KDM4C: variants seen among roughly 807,000 people sequenced by gnomAD.
KDM4C encodes the protein lysine-specific demethylase 4C.
KDM4C carries 81 observed loss-of-function variants against 129.3 expected under a neutral mutation model. The ratio of observed to expected loss-of-function variants is 0.63; its 90% CI spans 0.52 to 0.75. The LOEUF (loss-of-function observed/expected upper bound fraction) is 0.75, where lower values mean the gene tolerates loss of function less well. Ranked by LOEUF, KDM4C falls within the 30% of genes least tolerant of loss-of-function variation. The probability of loss-of-function intolerance (pLI) is 0.00; values close to 1 mark genes in which losing one functional copy is unlikely to be tolerated. For synonymous variants in KDM4C, 573 were observed against 456.1 expected (o/e 1.26, Z -3.26); for missense variants, 1,457 against 1,304.0 (o/e 1.12, Z -1.81).
At chr9:6,732,636 G>C (rs1355833447) in intron 1 of KDM4C, among the ~76,000 whole-genome samples, 1 of 152,158 alleles carries the variant, frequency 6.6e-6, no homozygotes, top group Non-Finnish European at 1.5e-5. Flanking sequence ...GGTCACACAG[G>C]TATCAACCAG....
At chr9:6,826,920 G>A (rs1482071494) in intron 4 of KDM4C, among the ~76,000 whole-genome samples, 1 of 152,128 alleles carries the variant, frequency 6.6e-6, no homozygotes, top group Non-Finnish European at 1.5e-5. Flanking sequence ...TTGGCAGGAT[G>A]GTTTTCACAG....
chr9:6,968,521 A>G (rs998623007), intron 8 of KDM4C, among the ~76,000 whole-genome samples: 3 of 152,210 alleles, frequency 2.0e-5, no homozygotes, highest in African/African-American at 4.8e-5. Context: ...TGGTTAAACA[A>G]TAATTAAGTT....
intron 1 of KDM4C, among the ~76,000 whole-genome samples, chr9:6,728,738 C>T (rs1194328343): frequency 1.3e-5 from 2 of 151,974 alleles, no homozygotes; most frequent in Admixed American, 6.6e-5. Flanking sequence ...CCCAGCTACT[C>T]AGGAGGCTGA....
At chr9:6,812,539 T>C (rs941493122) in intron 3 of KDM4C, among the ~76,000 whole-genome samples, 4 of 151,902 alleles carry the variant, frequency 2.6e-5, no homozygotes, top group African/African-American at 4.8e-5. Flanking sequence ...TCATAAGGAG[T>C]GTGCAACCTA....
chr9:6,807,042 GC>G (rs1830119780), intron 3 of KDM4C, among the ~76,000 whole-genome samples: 1 of 152,038 alleles, frequency 6.6e-6, no homozygotes, highest in African/African-American at 2.4e-5. Flanking sequence ...GCGATTGCAG[GC>G]ACGCGCCGCC....
intron 5 of KDM4C, among the ~76,000 whole-genome samples, chr9:6,872,162 G>A (rs1319157790): frequency 6.6e-6 from 1 of 152,152 alleles, no homozygotes; most frequent in Non-Finnish European, 1.5e-5. Context: ...GTTAAATTGT[G>A]GAGGTCTTGA....
intron 1 of KDM4C, among the ~76,000 whole-genome samples, chr9:6,767,634 C>T (rs747320862): frequency 6.6e-6 from 1 of 151,912 alleles, no homozygotes; most frequent in Non-Finnish European, 1.5e-5. Context: ...GGGGTTTTGC[C>T]GTTTTTAGTA....
In KDM4C at chr9:7,004,450, C is replaced by T. The variant is rs1213568940; in HGVS notation, c.1787-7248C>T. 2.0e-5 allele frequency among the ~76,000 whole-genome samples: 3 copies of T among 152,170 alleles called. 1 individual carries two copies. The highest frequency in any genetic ancestry group is 1.3e-4 in the Admixed American group (2 of 15,282). ...AATAGAATTGGCAATGTTCCCTATA[C>T]ATGGTTTTGTGCTCCCATTTTTTAT... On this transcript the variant is annotated intron_variant, in intron 12 of 21. Transcript: ENST00000381309.
chr9:7,142,602 G>A (rs1195114716), intron 19 of KDM4C, among the ~76,000 whole-genome samples: 2 of 152,110 alleles, frequency 1.3e-5, no homozygotes, highest in East Asian at 1.9e-4. Context: ...TTTTTTAAAG[G>A]GAAAGAATAG....
chr9:6,836,030 C>T lies in KDM4C; in HGVS notation c.436-13477C>T, dbSNP rs571545354. ...GTTTGTTTTATTTTGAATGATCAGC[C>T]TTCGTGGCCCCCCTCTTTTGTCCCC... is the stretch of plus-strand genomic sequence containing the variant. On this transcript the variant is annotated intron_variant, in intron 4 of 21. Coordinates refer to ENST00000381309, the MANE Select transcript of KDM4C (RefSeq NM_015061.6). 1.4e-4 allele frequency among the ~76,000 whole-genome samples: 21 copies of T among 152,182 alleles called. No individual in the cohort carries two copies. The South Asian group carries it at 3.3e-3, about 24-fold the overall frequency.
At chr9:6,750,024 A>T (rs145231658) in intron 1 of KDM4C, among the ~76,000 whole-genome samples, 1 of 151,538 alleles carries the variant, frequency 6.6e-6, no homozygotes, top group Non-Finnish European at 1.5e-5. Context: ...GAGTAACCTA[A>T]AGCCAGAGGA....
At chr9:6,988,293 C>T (rs999742183) in intron 11 of KDM4C, among the ~76,000 whole-genome samples, 4 of 151,614 alleles carry the variant, frequency 2.6e-5, no homozygotes, top group East Asian at 1.9e-4. Flanking sequence ...TTATTTTTAG[C>T]GACCTTCTTT....
At chr9:7,084,435 G>A (rs965438502) in intron 17 of KDM4C, among the ~76,000 whole-genome samples, 1 of 152,198 alleles carries the variant, frequency 6.6e-6, no homozygotes, top group Non-Finnish European at 1.5e-5. Context: ...CTATTATGAA[G>A]TGCTTTTAGA....
intron 1 of KDM4C, among the ~76,000 whole-genome samples, chr9:6,733,053 G>A (rs1817405613): frequency 6.6e-6 from 1 of 152,092 alleles, no homozygotes; most frequent in Admixed American, 6.6e-5. Context: ...TGGTTACAAG[G>A]TCAAGCTCCC....
intron 8 of KDM4C, among the ~76,000 whole-genome samples, chr9:6,966,721 G>A (rs1409277638): frequency 6.6e-6 from 1 of 151,962 alleles, no homozygotes; most frequent in Non-Finnish European, 1.5e-5. Context: ...CAACCATCCA[G>A]TAGGGAAAAA....
At chr9:6,875,844 C>G (rs890073736) in intron 5 of KDM4C, among the ~76,000 whole-genome samples, 31 of 152,134 alleles carry the variant, frequency 2.0e-4, no homozygotes, top group Non-Finnish European at 8.8e-5. Flanking sequence ...GTGCTCAGCA[C>G]CTATCTCCTG....
intron 17 of KDM4C, among the ~76,000 whole-genome samples, chr9:7,092,062 C>G (rs532011591): frequency 2.0e-5 from 3 of 152,204 alleles, no homozygotes; most frequent in Non-Finnish European, 4.4e-5. Flanking sequence ...GCTCTTTGGC[C>G]TTTTGCATTG....
At chr9:6,746,262 GTTTTT>G (rs778939269) in intron 1 of KDM4C, among the ~76,000 whole-genome samples, 2 of 61,192 alleles carry the variant, frequency 3.3e-5, no homozygotes, top group African/African-American at 7.4e-5. Flanking sequence ...ATATATATAT[GTTTTT>G]TTTTTTTTTT....
chr9:6,912,890 A>C (rs1036694868), intron 8 of KDM4C, among the ~76,000 whole-genome samples: 2 of 151,850 alleles, frequency 1.3e-5, no homozygotes, highest in Non-Finnish European at 2.9e-5. Context: ...TTTTTTCACT[A>C]TTTCTATTGT....
Sources: allele counts gnomAD v4.1 joint callset (sites outside exome capture counted in the v4.1 genomes callset), GRCh38; gene constraint gnomAD v4.1.1; transcripts MANE v1.5; gene names NCBI Gene and HGNC (gene_info 2026-07-23, HGNC 2026-07-21).